AOPEP: variants seen among roughly 807,000 people sequenced by gnomAD.
AOPEP encodes aminopeptidase O.
AOPEP carries 77 observed loss-of-function variants against 98.1 expected under a neutral mutation model. The ratio of observed to expected loss-of-function variants is 0.78; its 90% CI spans 0.65 to 0.95. The LOEUF (loss-of-function observed/expected upper bound fraction) is 0.95, where lower values mean the gene tolerates loss of function less well. Ranked by LOEUF, AOPEP falls within the 40% of genes least tolerant of loss-of-function variation. AOPEP has a pLI of 0.00. For missense variants in AOPEP, 1,024 were observed against 1,024.7 expected (o/e 1.00, Z 0.01); for synonymous variants, 346 against 365.3 (o/e 0.95, Z 0.60).
At chr9:95,125,153 T>C in the AOPEP span, 1 of 1,614,222 alleles carries the variant, frequency 6.2e-7, no homozygotes, top group Non-Finnish European at 8.5e-7. Context: ...GGCTATGATT[T>C]CCAGGGCCCC....
chr9:94,931,462 A>G (rs1167361740), intron 7 of AOPEP, among the ~76,000 whole-genome samples: 1 of 152,224 alleles, frequency 6.6e-6, no homozygotes, highest in African/African-American at 2.4e-5. Flanking sequence ...TGAATTATAT[A>G]GTCTAGGTTT....
chr9:94,879,289 T>C (rs1344643744), intron 5 of AOPEP, among the ~76,000 whole-genome samples: 2 of 152,244 alleles, frequency 1.3e-5, no homozygotes, highest in Non-Finnish European at 2.9e-5. Flanking sequence ...TTTTAAACTA[T>C]AAACTAAGTA....
intron 4 of AOPEP, among the ~76,000 whole-genome samples, chr9:94,795,314 G>A (rs1032671569): frequency 6.6e-6 from 1 of 151,998 alleles, no homozygotes; most frequent in Admixed American, 6.5e-5. Flanking sequence ...CATGATTTGA[G>A]CCACCATTAT....
At chr9:95,148,864 GC>G in the AOPEP span, among the ~76,000 whole-genome samples, 1 of 152,178 alleles carries the variant, frequency 6.6e-6, no homozygotes, top group East Asian at 1.9e-4. Flanking sequence ...ATTTTGGTGA[GC>G]TATCAAAGCA....
At chr9:94,765,111 A>G (rs1839246259) in intron 2 of AOPEP, among the ~76,000 whole-genome samples, 1 of 151,826 alleles carries the variant, frequency 6.6e-6, no homozygotes, top group Non-Finnish European at 1.5e-5. Context: ...ACAGGTGTGC[A>G]GCACCACGCC....
At chr9:95,110,371 A>C in the AOPEP span, 1 of 1,022,576 alleles carries the variant, frequency 9.8e-7, no homozygotes, top group East Asian at 6.5e-5. Flanking sequence ...GGCTTTAAAA[A>C]CCATATGTGC....
At chr9:94,964,159 C>T (rs1222286628) in intron 9 of AOPEP, among the ~76,000 whole-genome samples, 2 of 152,146 alleles carry the variant, frequency 1.3e-5, no homozygotes, top group African/African-American at 4.8e-5. Flanking sequence ...CTTAGAGATG[C>T]CCAAGGTGTT....
intron 14 of AOPEP, among the ~76,000 whole-genome samples, chr9:95,079,427 T>C (rs2069465317): frequency 1.3e-5 from 2 of 152,234 alleles, no homozygotes; most frequent in Non-Finnish European, 2.9e-5. Flanking sequence ...AGAAGGAGGC[T>C]CTTCTAAAAT....
At chr9:94,955,876 C>T (rs760004537) in intron 8 of AOPEP, 32 bp from the exon 9 acceptor site, 2 of 1,489,834 alleles carry the variant, frequency 1.3e-6, no homozygotes, top group African/African-American at 2.8e-5. Flanking sequence ...CATGGTAGGC[C>T]TCTTTTTCTC....
intron 9 of AOPEP, among the ~76,000 whole-genome samples, chr9:94,960,734 C>T (rs907803062): frequency 5.3e-5 from 8 of 152,016 alleles, no homozygotes; most frequent in Non-Finnish European, 8.8e-5. Context: ...GCTTGTGGGC[C>T]GGGTGCGGTG....
intron 7 of AOPEP, 148 bp from the exon 8 acceptor site, chr9:94,955,029 A>T (rs1201458584): frequency 1.9e-6 from 1 of 524,742 alleles, no homozygotes; most frequent in Non-Finnish European, 3.4e-6. Context: ...CGAGTATGTA[A>T]TACAAACTGT....
At chr9:94,939,955 A>G (rs1342228278) in intron 7 of AOPEP, among the ~76,000 whole-genome samples, 1 of 152,234 alleles carries the variant, frequency 6.6e-6, no homozygotes, top group East Asian at 1.9e-4. Flanking sequence ...GGGAGGACCA[A>G]CTATATATGA....
At chr9:94,938,021 A>C (rs1040068963) in intron 7 of AOPEP, among the ~76,000 whole-genome samples, 2 of 152,092 alleles carry the variant, frequency 1.3e-5, no homozygotes, top group Non-Finnish European at 2.9e-5. Flanking sequence ...CTACAGGCAC[A>C]TGCCACCACA....
rs143987640 is a variant in AOPEP, at chr9:94,954,075, C to A, written c.1662-1102C>A. Reference sequence around the variant, plus strand: ...TGGTGGCTCACACCTGTAATCCCAACGCTTTGGGAGGCTGAGGTGGACGGA... The same window carrying A: ...TGGTGGCTCACACCTGTAATCCCAAAGCTTTGGGAGGCTGAGGTGGACGGA... On this transcript the variant is annotated intron_variant, in intron 7 of 16. Coordinates refer to ENST00000375315, the MANE Select transcript of AOPEP (RefSeq NM_001193329.3). Among the ~76,000 whole-genome samples, 826 of 152,286 alleles carry A rather than the reference C, an allele frequency of 5.4e-3. 4 individuals carry two copies. Among genetic ancestry groups the A allele is most frequent in the African/African-American group, 0.019 (795 of 41,556 alleles).
At position 94,802,193 on chromosome 9, in the gene AOPEP, C is replaced by T. The variant is rs72746534; in HGVS notation, c.1364+1191C>T. Reference sequence around the variant, plus strand: ...ATGGAGGGGGGGGCTTCTTTTGTCCCTTTGAAGAGTCTGCTGGCCTTAATT... The same window carrying T: ...ATGGAGGGGGGGGCTTCTTTTGTCCTTTTGAAGAGTCTGCTGGCCTTAATT... On this transcript the variant is annotated intron_variant, in intron 5 of 16. Transcript: ENST00000375315. 5.3e-3 allele frequency among the ~76,000 whole-genome samples: 803 copies of T among 152,066 alleles called. 12 individuals are homozygous for T. Among genetic ancestry groups the T allele is most frequent in the South Asian group, 0.044 (211 of 4,796 alleles).
intron 5 of AOPEP, among the ~76,000 whole-genome samples, 170 bp downstream of exon 5, chr9:94,801,172 C>A (rs1171617888): frequency 6.6e-6 from 1 of 152,226 alleles, no homozygotes; most frequent in South Asian, 2.1e-4. Flanking sequence ...TTAATGCAGA[C>A]TCCCTCATGC....
intron 13 of AOPEP, among the ~76,000 whole-genome samples, chr9:95,011,986 A>G (rs1332052194): frequency 6.6e-6 from 1 of 152,216 alleles, no homozygotes; most frequent in Non-Finnish European, 1.5e-5. Context: ...AACTATTCAT[A>G]TCATAATAGC....
intron 2 of AOPEP, among the ~76,000 whole-genome samples, chr9:94,761,915 T>C (rs1838395168): frequency 6.6e-6 from 1 of 152,152 alleles, no homozygotes; most frequent in African/African-American, 2.4e-5. Context: ...CAATACAATA[T>C]AACAATATAC....
intron 5 of AOPEP, among the ~76,000 whole-genome samples, chr9:94,903,912 A>AT (rs59958809): frequency 0.015 from 2,271 of 149,086 alleles, 53 homozygotes; most frequent in South Asian, 0.041. Flanking sequence ...AAAAAAAAAA[A>AT]GTTCAAAAAA....
Sources: allele counts gnomAD v4.1 joint callset (sites outside exome capture counted in the v4.1 genomes callset), GRCh38; gene constraint gnomAD v4.1.1; transcripts MANE v1.5; gene names NCBI Gene and HGNC (gene_info 2026-07-23, HGNC 2026-07-21).